PCDH20: variants seen among roughly 807,000 people sequenced by gnomAD.
The protein encoded by PCDH20 is protocadherin-20.
Under a neutral mutation model 39.7 loss-of-function variants are expected in PCDH20, and 18 were observed. That is an observed-to-expected ratio of 0.45 (90% CI 0.31 to 0.67). The LOEUF (loss-of-function observed/expected upper bound fraction) is 0.67. Among genes scored for constraint, PCDH20 ranks in the 30% least tolerant of loss-of-function variants. The pLI is 0.05. For synonymous variants in PCDH20, 495 were observed against 455.4 expected (o/e 1.09, Z -1.11); for missense variants, 1,161 against 1,167.4 (o/e 0.99, Z 0.08).
exon 1 of PCDH20, chr13:61,415,165 G>C: frequency 7.1e-7 from 1 of 1,412,362 alleles, no homozygotes; most frequent in Non-Finnish European, 9.4e-7. Flanking sequence ...GCATTCCCTG[G>C]GAGGCTGCAG....
chr13:61,414,967 A>G, intron 1 of PCDH20, 60 bp downstream of exon 1: 1 of 1,302,682 alleles, frequency 7.7e-7, no homozygotes, highest in Non-Finnish European at 9.9e-7. Context: ...TCCGAGTGGG[A>G]ATTGCTTCAC....
exon 2 of PCDH20, chr13:61,412,462 T>C (rs1424962835): frequency 6.2e-7 from 1 of 1,614,102 alleles, no homozygotes; most frequent in African/African-American, 1.3e-5. Flanking sequence ...TGAGTTGTTC[T>C]CTTCGATGGT....
exon 2 of PCDH20, chr13:61,412,413 G>C (rs201601157): frequency 6.2e-7 from 1 of 1,614,022 alleles, no homozygotes; most frequent in East Asian, 2.2e-5. Context: ...CCTCGCTGTC[G>C]GCATCTGTAG....
chr13:61,415,032 G>A (rs757704010), exon 1 of PCDH20: 1 of 1,488,290 alleles, frequency 6.7e-7, no homozygotes, highest in Admixed American at 2.2e-5. Flanking sequence ...CTTACCGGCA[G>A]GTTCCTGTAG....
chr13:61,413,292 G>T, exon 2 of PCDH20: 3 of 1,613,974 alleles, frequency 1.9e-6, no homozygotes, highest in South Asian at 1.1e-5. Flanking sequence ...TTAGGTAGGG[G>T]GTGCGCTCCC....
rs780535322 is a variant in PCDH20, at chr13:61,415,393, CTCCTG to C, written c.-240_-236del. 2.6e-3 allele frequency: 1,114 copies of C among 421,446 alleles called. 2 individuals are homozygous for C. Among genetic ancestry groups the C allele is most frequent in the Non-Finnish European group, 3.7e-3 (950 of 253,834 alleles). The allele number at this position is 421,446 out of a possible 1,614,324, so 26.1% of individuals were successfully genotyped here. On this transcript the variant is annotated 5_prime_UTR_variant, in exon 1 of 2. Coordinates refer to ENST00000409204, the Ensembl canonical transcript of PCDH20. ...CAGAGGAGCTGGAATGGGGGACTTG[CTCCTG>C]AAGACTGCGAAGAGGCAGCTCGGGG...
chr13:61,413,476 T>A, exon 2 of PCDH20: 1 of 1,613,654 alleles, frequency 6.2e-7, no homozygotes, highest in South Asian at 1.1e-5. Context: ...AACAGGGAAC[T>A]GCGGGGCGTT....
At chr13:61,413,496 G>A in exon 2 of PCDH20, 12 of 1,613,886 alleles carry the variant, frequency 7.4e-6, no homozygotes, top group Non-Finnish European at 1.0e-5. Flanking sequence ...TGTCATTGAT[G>A]TCTCTGATGG....
In PCDH20 at chr13:61,411,384, T is replaced by C. The variant is rs762718095; in HGVS notation, c.2715A>G (p.Thr905=). The change falls in exon 2 of 2, where the codon ACA becomes ACG. Residue 905 remains threonine (T), a synonymous_variant. Coordinates refer to ENST00000409204, the Ensembl canonical transcript of PCDH20. Reference sequence around the variant, plus strand: ...TTAAACAGATGTATATGCCCATCCCTGTGACCAGTGTGATGGAACCCAAGC... The same window carrying C: ...TTAAACAGATGTATATGCCCATCCCCGTGACCAGTGTGATGGAACCCAAGC... The C allele has an allele frequency of 3.7e-6, 6 of 1,614,144 alleles. No individual in the cohort carries two copies. In the East Asian group the frequency reaches 1.1e-4, roughly 30 times the overall value.
intron 1 of PCDH20, 55 bp from the exon 2 acceptor site, chr13:61,414,021 G>A: frequency 6.9e-7 from 1 of 1,443,790 alleles, no homozygotes; most frequent in Non-Finnish European, 9.4e-7. Flanking sequence ...ATAGGGGTCC[G>A]AGAGAGAAAC....
In PCDH20 at chr13:61,411,421, A is replaced by G. The variant is rs765339953; in HGVS notation, c.2678T>C (p.Leu893Pro). The G allele has an allele frequency of 7.4e-6, 12 of 1,614,146 alleles. No individual in the cohort carries two copies. The South Asian group carries it at 1.3e-4, about 18-fold the overall frequency. Residue 893 changes from leucine (L) to proline (P), a missense_variant, in exon 2 of 2, where the codon CTG becomes CCG. Around this residue, in one of 3 missense-constraint regions of PCDH20, gnomAD observed 754 missense variants for 777.5 expected, o/e 0.97. Coordinates refer to ENST00000409204, the Ensembl canonical transcript of PCDH20. ...GATGGAACCCAAGCTTATTACAGAC[A>G]GAGCTACTAAGGTGGGCATACAAGA...
At chr13:61,410,587 A>G (rs771080698) in exon 2 of PCDH20, 4 of 152,564 alleles carry the variant, frequency 2.6e-5, no homozygotes, top group Non-Finnish European at 5.9e-5. Flanking sequence ...AAAGTGGAAT[A>G]CTCTTCAGCA....
exon 1 of PCDH20, chr13:61,415,164 G>T: frequency 7.1e-7 from 1 of 1,415,852 alleles, no homozygotes; most frequent in East Asian, 2.9e-5. Context: ...CGCATTCCCT[G>T]GGAGGCTGCA....
exon 2 of PCDH20, chr13:61,411,543 G>A (rs1342490504): frequency 6.2e-7 from 1 of 1,614,138 alleles, no homozygotes; most frequent in Non-Finnish European, 8.5e-7. Context: ...GACTCTCAAT[G>A]TAACTCTCAT....
exon 2 of PCDH20, chr13:61,411,269 T>G: frequency 6.2e-7 from 1 of 1,613,220 alleles, no homozygotes; most frequent in Non-Finnish European, 8.5e-7. Context: ...TCCATTGGCT[T>G]TCTCTCTCGC....
intron 1 of PCDH20, 53 bp from the exon 2 acceptor site, chr13:61,414,019 C>T: frequency 6.8e-7 from 1 of 1,471,096 alleles, no homozygotes; most frequent in Non-Finnish European, 9.2e-7. Context: ...AAATAGGGGT[C>T]CGAGAGAGAA....
chr13:61,411,978 G>C (rs1555283091), exon 2 of PCDH20: 1 of 1,614,004 alleles, frequency 6.2e-7, no homozygotes, highest in Non-Finnish European at 8.5e-7. Context: ...ACAAAGTATA[G>C]GAGCTTTGCT....
chr13:61,411,170 A>G (rs1878236187), exon 2 of PCDH20: 11 of 1,310,814 alleles, frequency 8.4e-6, no homozygotes, highest in Non-Finnish European at 1.1e-5. Context: ...ACTGCCATCA[A>G]CACACTCTTT....
exon 2 of PCDH20, chr13:61,412,953 A>T: frequency 6.2e-7 from 1 of 1,614,134 alleles, no homozygotes; most frequent in Non-Finnish European, 8.5e-7. Flanking sequence ...TCTTACTGAA[A>T]AGTTTAATGA....
Sources: gnomAD v4.1 joint callset for allele counts on GRCh38, gnomAD v4.1.1 for gene constraint, gnomAD v4.1.1 regional missense constraint, MANE v1.5 for transcripts, NCBI Gene and HGNC (gene_info 2026-07-23, HGNC 2026-07-21) for gene names.